The following NVL variants were observed in gnomAD, a reference collection of about 807,000 sequenced individuals.
The protein encoded by NVL is nuclear VCP like, also known as nuclear valosin-containing protein-like.
In NVL, 84 loss-of-function variants were observed where a neutral mutation model predicts 110.2. The observed-to-expected ratio is 0.76, with a 90% CI of 0.64 to 0.91. The LOEUF (loss-of-function observed/expected upper bound fraction) is 0.91. Ranked by LOEUF, NVL falls within the 40% of genes least tolerant of loss-of-function variation. NVL has a pLI of 0.00. For missense variants in NVL, 882 were observed against 1,035.9 expected, an observed-to-expected ratio of 0.85 and a Z score of 2.04; for synonymous variants, 354 against 361.1, an observed-to-expected ratio of 0.98 and a Z score of 0.22.
At chr1:224,294,477 A>G in intron 11 of NVL, 66 bp from the exon 12 acceptor site, 2 of 1,518,840 alleles carry the variant, frequency 1.3e-6, no homozygotes, top group African/African-American at 1.4e-5. Flanking sequence ...ATGGTTACAG[A>G]ATCATTTCAT....
chr1:224,292,791 G>A (rs1558315690), intron 12 of NVL, among the ~76,000 whole-genome samples: 1 of 151,808 alleles, frequency 6.6e-6, no homozygotes, highest in Non-Finnish European at 1.5e-5. Flanking sequence ...GTGTCACCCA[G>A]GCTGGATGGA....
intron 18 of NVL, among the ~76,000 whole-genome samples, chr1:224,267,380 T>C (rs958278938): frequency 6.6e-6 from 1 of 152,030 alleles, no homozygotes; most frequent in Non-Finnish European, 1.5e-5. Flanking sequence ...ATTCTGAAAA[T>C]ACTTTTGTGG....
intron 8 of NVL, 45 bp downstream of exon 8, chr1:224,304,691 T>G (rs780701219): frequency 6.9e-7 from 1 of 1,448,896 alleles, no homozygotes; most frequent in Non-Finnish European, 9.7e-7. Context: ...TCATAACTGA[T>G]TAGTAATATA....
At chr1:224,263,716 A>T (rs1664204217) in intron 18 of NVL, among the ~76,000 whole-genome samples, 1 of 152,226 alleles carries the variant, frequency 6.6e-6, no homozygotes, top group African/African-American at 2.4e-5. Flanking sequence ...CATGGACTGT[A>T]GATCTTCTGG....
intron 18 of NVL, among the ~76,000 whole-genome samples, chr1:224,267,289 A>G (rs1486264015): frequency 1.3e-5 from 2 of 152,188 alleles, no homozygotes; most frequent in Admixed American, 6.5e-5. Flanking sequence ...ATAAAATCCT[A>G]AAAATCTATC....
At chr1:224,236,017 T>C (rs1660431727) in intron 20 of NVL, among the ~76,000 whole-genome samples, 1 of 151,898 alleles carries the variant, frequency 6.6e-6, no homozygotes, top group Non-Finnish European at 1.5e-5. Context: ...ATTTCCTCCC[T>C]CTGTGTCCCC....
At chr1:224,329,949 G>T in intron 1 of NVL, 122 bp downstream of exon 1, 1 of 975,124 alleles carries the variant, frequency 1.0e-6, no homozygotes, top group Non-Finnish European at 1.6e-6. Flanking sequence ...CGCACGCCCA[G>T]ACCCAGACTG....
At chr1:224,251,627 A>G (rs1662518642) in intron 18 of NVL, among the ~76,000 whole-genome samples, 1 of 152,148 alleles carries the variant, frequency 6.6e-6, no homozygotes, top group Admixed American at 6.6e-5. Context: ...GCGACAGAGC[A>G]AGACTCTTGT....
intron 9 of NVL, among the ~76,000 whole-genome samples, chr1:224,301,457 G>C (rs1668398318): frequency 1.3e-5 from 2 of 152,136 alleles, no homozygotes; most frequent in Non-Finnish European, 1.5e-5. Context: ...TTGTGACACA[G>C]ATGTTTCCCA....
At position 224,330,034 on chromosome 1, in the gene NVL, G is replaced by A. The variant is rs141498708; in HGVS notation, c.57+37C>T. ...GAGTGGCACCCTGGGGCAGCGATCG[G>A]GGCCCTTGGCGAGGCCAAGCGGTGC... On this transcript the variant is annotated intron_variant, in intron 1 of 22. Coordinates refer to ENST00000281701, the MANE Select transcript of NVL (RefSeq NM_002533.4). 1.2e-5 allele frequency: 19 copies of A among 1,608,684 alleles called. No homozygotes were observed. The African/African-American group carries it at 2.5e-4, about 22-fold the overall frequency.
intron 14 of NVL, among the ~76,000 whole-genome samples, chr1:224,286,888 A>C (rs1463187183): frequency 6.6e-6 from 1 of 152,192 alleles, no homozygotes; most frequent in Non-Finnish European, 1.5e-5. Flanking sequence ...TAGAAAAGTA[A>C]AGTAAATAAA....
At position 224,250,205 on chromosome 1, in the gene NVL, T is replaced by C. The variant is rs1235050970; in HGVS notation, c.2289+7A>G. 1 of 1,609,310 alleles carries C rather than the reference T, an allele frequency of 6.2e-7. No homozygotes were observed. The highest frequency in any genetic ancestry group is 8.5e-7 in the Non-Finnish European group (1 of 1,178,440). On this transcript the variant is annotated splice_region_variant and intron_variant, in intron 19 of 22. Coordinates refer to ENST00000281701, the MANE Select transcript of NVL (RefSeq NM_002533.4). The stretch of plus-strand genomic sequence containing the variant: ...ATATACAAAAATATACCATTTCCTT[T>C]ACTCACTTTTGTGATAGTTTTTAAG...
rs1471178438 is a variant in NVL, at chr1:224,287,784, C to T, written c.1785G>A (p.Met595Ile). The T allele has an allele frequency of 3.1e-6, 5 of 1,613,710 alleles. No homozygotes were observed. In the Admixed American group the frequency reaches 6.7e-5, roughly 22 times the overall value. The part of the protein sequence containing the change: ...ALEDIREELT[M>I]AILAPVRNPD... The stretch of plus-strand genomic sequence containing the variant: ...CAGCTGATATACCTACCAATATTGC[C>T]ATGGTGAGCTCCTCTCTAATGTCTT... The change falls in exon 14 of 23, where the codon ATG (methionine) becomes ATA (isoleucine). Residue 595 changes from methionine (M) to isoleucine (I), a missense_variant. Met to Ile is a conservative substitution (Grantham distance 10, BLOSUM62 1). This residue lies in a region of NVL where 416 missense variants were observed against 499.3 expected (regional missense o/e 0.83). Coordinates refer to ENST00000281701, the MANE Select transcript of NVL (RefSeq NM_002533.4).
At chr1:224,234,141 T>C (rs1660204840) in intron 20 of NVL, among the ~76,000 whole-genome samples, 1 of 137,626 alleles carries the variant, frequency 7.3e-6, no homozygotes, top group South Asian at 2.6e-4. Flanking sequence ...GAACACATCA[T>C]AAGTTACTTA....
At chr1:224,244,070 GA>G (rs898956316) in intron 19 of NVL, among the ~76,000 whole-genome samples, 3 of 150,422 alleles carry the variant, frequency 2.0e-5, no homozygotes, top group East Asian at 2.0e-4. Flanking sequence ...TAGAAGTTAT[GA>G]AAAAAAAATC....
chr1:224,246,577 GA>G (rs560423126), intron 19 of NVL, among the ~76,000 whole-genome samples: 18 of 152,274 alleles, frequency 1.2e-4, no homozygotes, highest in African/African-American at 4.1e-4. Flanking sequence ...TTTAGTTCAT[GA>G]AATCCCAAGG....
intron 18 of NVL, among the ~76,000 whole-genome samples, chr1:224,253,834 C>G (rs1249521309): frequency 6.6e-6 from 1 of 151,908 alleles, no homozygotes; most frequent in African/African-American, 2.4e-5. Flanking sequence ...AGTTCCAGTT[C>G]CTCCATATCC....
chr1:224,300,445 T>C, intron 10 of NVL, 117 bp downstream of exon 10: 1 of 604,926 alleles, frequency 1.7e-6, no homozygotes, highest in East Asian at 2.8e-5. Context: ...ACCATGTTTA[T>C]ATTAATAAAA....
At chr1:224,278,594 C>T (rs1571924337) in intron 16 of NVL, among the ~76,000 whole-genome samples, 1 of 152,044 alleles carries the variant, frequency 6.6e-6, no homozygotes, top group Non-Finnish European at 1.5e-5. Context: ...CCTACCCACC[C>T]GTTAAAAACA....
Sources: gnomAD v4.1 joint callset for allele counts (sites outside exome capture counted in the v4.1 genomes callset) on GRCh38, gnomAD v4.1.1 for gene constraint, gnomAD v4.1.1 regional missense constraint, MANE v1.5 for transcripts, NCBI Gene and HGNC (gene_info 2026-07-23, HGNC 2026-07-21) for gene names.